GGACT: variants seen among roughly 807,000 people sequenced by gnomAD.
GGACT encodes gamma-glutamylamine cyclotransferase, also known as gamma-glutamylaminecyclotransferase.
For missense variants in GGACT, 241 were observed against 233.2 expected, an observed-to-expected ratio of 1.03 and a Z score of -0.22; for synonymous variants, 118 against 115.3, an observed-to-expected ratio of 1.02 and a Z score of -0.15.
chr13:100,583,114 A>T (rs946159699), intron 2 of GGACT, among the ~76,000 whole-genome samples: 4 of 152,212 alleles, frequency 2.6e-5, no homozygotes, highest in African/African-American at 9.7e-5. Flanking sequence ...GGCCAATCTT[A>T]ATGCCAACAT....
intron 2 of GGACT, among the ~76,000 whole-genome samples, chr13:100,564,069 A>C (rs1285199603): frequency 6.6e-6 from 1 of 152,202 alleles, no homozygotes; most frequent in African/African-American, 2.4e-5. Context: ...TTGAGTTCCC[A>C]AAATGCATGT....
rs1036297983 is a variant in GGACT, at chr13:100,545,502, A to G, written c.-10-12901T>C. ...GCAGCCAGTGGCCTGGGCTGCCCTC[A>G]TACCAGGCTCCAGTCACATCTGCCG... On this transcript the variant is annotated intron_variant, in intron 2 of 2. Transcript: ENST00000683975. The surrounding 1 kb of genome is among the most constrained non-coding windows in gnomAD (Gnocchi z 4.4). Among the ~76,000 whole-genome samples, 23 of 152,142 alleles carry G rather than the reference A, an allele frequency of 1.5e-4. No individual in the cohort carries two copies. The highest frequency in any genetic ancestry group is 5.5e-4 in the African/African-American group (23 of 41,454).
chr13:100,569,387 G>A (rs778719774), intron 2 of GGACT, among the ~76,000 whole-genome samples: 15 of 152,236 alleles, frequency 9.9e-5, no homozygotes, highest in African/African-American at 2.2e-4. Context: ...CCAACACCAC[G>A]TGTAAGCTGC....
intron 2 of GGACT, among the ~76,000 whole-genome samples, chr13:100,559,409 T>C (rs1240089008): frequency 6.6e-6 from 1 of 151,550 alleles, no homozygotes; most frequent in Admixed American, 6.6e-5. Context: ...CTGGTCTTCA[T>C]CTCCTGACCT....
At chr13:100,563,641 AC>A (rs1243756648) in intron 2 of GGACT, among the ~76,000 whole-genome samples, 1 of 152,112 alleles carries the variant, frequency 6.6e-6, no homozygotes, top group East Asian at 1.9e-4. Flanking sequence ...CACAGTTAAG[AC>A]CCTGTCTTTA....
In GGACT at chr13:100,573,271, C is replaced by T. The variant is rs569728516; in HGVS notation, c.-11+10554G>A. Among the ~76,000 whole-genome samples, 78 of 152,282 alleles carry T rather than the reference C, an allele frequency of 5.1e-4. 1 individual carries two copies. Among genetic ancestry groups the T allele is most frequent in the Middle Eastern group, 6.8e-3 (2 of 294 alleles). ...ATATTAGTCTGGTATTCTAAACACC[C>T]TGGACTAAGGCCCAATACTCTTCCA... On this transcript the variant is annotated intron_variant, in intron 2 of 2. Transcript: ENST00000683975.
At chr13:100,585,087 T>C (rs933076904) in intron 1 of GGACT, among the ~76,000 whole-genome samples, 1 of 151,944 alleles carries the variant, frequency 6.6e-6, no homozygotes, top group Non-Finnish European at 1.5e-5. Flanking sequence ...TTACAGGAAA[T>C]ATAGGGGATA....
rs1053057843 is a variant in GGACT, at chr13:100,532,425, A to G, written c.167T>C (p.Leu56Pro). The change falls in exon 3 of 3, where the codon CTG (leucine) becomes CCG (proline). Residue 56 changes from leucine to proline, a missense_variant. Transcript: ENST00000683975. The part of the protein sequence containing the change: ...GEHNIPWLLH[L>P]PGSGRLVEGE... ...CTCCACGAGGCGCCCCGAGCCGGGCAGGTGCAGCAGCCACGGGATGTTGTG... is the reference window on the plus strand; with the variant it reads ...CTCCACGAGGCGCCCCGAGCCGGGCGGGTGCAGCAGCCACGGGATGTTGTG... 6.5e-7 allele frequency: 1 copy of G among 1,549,914 alleles called. No homozygotes were observed. The highest frequency in any genetic ancestry group is 8.7e-7 in the Non-Finnish European group (1 of 1,146,636).
intron 2 of GGACT, among the ~76,000 whole-genome samples, chr13:100,581,065 TGGAGA>T (rs762290398): frequency 1.3e-5 from 2 of 152,250 alleles, no homozygotes; most frequent in Non-Finnish European, 2.9e-5. Flanking sequence ...GGATTAGGGC[TGGAGA>T]CACCAGTGTG....
intron 2 of GGACT, among the ~76,000 whole-genome samples, chr13:100,543,353 G>A (rs898156709): frequency 6.6e-6 from 1 of 151,848 alleles, no homozygotes; most frequent in Non-Finnish European, 1.5e-5. Context: ...GACTATAGGT[G>A]CCCACCACCA....
intron 2 of GGACT, among the ~76,000 whole-genome samples, chr13:100,560,059 C>A (rs568214077): frequency 1.3e-5 from 2 of 152,028 alleles, no homozygotes; most frequent in African/African-American, 4.8e-5. Flanking sequence ...AAAAGCCAAG[C>A]CATGGGGGCA....
rs2088307638 is a variant in GGACT, at chr13:100,530,258, C to A, written c.*1872G>T. ...TTGATTCAAGCATTATACAGGAACA[C>A]CCCTGTGCAGCTACGTTTACGTCGT... On this transcript the variant is annotated 3_prime_UTR_variant, in exon 3 of 3. Coordinates refer to ENST00000683975, the MANE Select transcript of GGACT (RefSeq NM_001195087.2). 1.6e-5 allele frequency: 16 copies of A among 1,008,708 alleles called. No individual in the cohort carries two copies. The highest frequency in any genetic ancestry group is 2.2e-5 in the Non-Finnish European group (14 of 637,238). 62.5% of individuals were successfully genotyped at this position (1,008,708 alleles called of 1,614,324 possible).
chr13:100,541,091 G>A (rs573390735), intron 2 of GGACT, among the ~76,000 whole-genome samples: 35 of 152,318 alleles, frequency 2.3e-4, no homozygotes, highest in South Asian at 4.2e-4. Context: ...GGTAAGAAAC[G>A]GCTGTAGGCA....
intron 2 of GGACT, among the ~76,000 whole-genome samples, chr13:100,574,560 A>G (rs1253278083): frequency 1.3e-5 from 2 of 152,182 alleles, no homozygotes; most frequent in Non-Finnish European, 2.9e-5. Flanking sequence ...TGGGCAACAG[A>G]GCGAGACCCC....
chr13:100,588,760 T>G lies in GGACT; in HGVS notation c.-203A>C, dbSNP rs1464644623. 6.6e-6 allele frequency: 1 copy of G among 151,680 alleles called. No individual in the cohort carries two copies. The highest frequency in any genetic ancestry group is 1.5e-5 in the Non-Finnish European group (1 of 67,890). 9.4% of individuals were successfully genotyped at this position (151,680 alleles called of 1,614,324 possible). On this transcript the variant is annotated 5_prime_UTR_variant, in exon 1 of 3. Coordinates refer to ENST00000683975, the MANE Select transcript of GGACT (RefSeq NM_001195087.2). ...CCTCACCTGCCGGCAGCCGGGGCTGTCGGGGAGGGCAGGGCCAGGGCGGAA... is the reference window on the plus strand; with the variant it reads ...CCTCACCTGCCGGCAGCCGGGGCTGGCGGGGAGGGCAGGGCCAGGGCGGAA...
intron 2 of GGACT, among the ~76,000 whole-genome samples, chr13:100,561,746 C>G (rs1022151579): frequency 6.6e-6 from 1 of 152,204 alleles, no homozygotes; most frequent in African/African-American, 2.4e-5. Context: ...CCTGGAGGGG[C>G]AGAGGTGCTG....
At position 100,563,654 on chromosome 13, in the gene GGACT, A is replaced by G. The variant is rs953145833; in HGVS notation, c.-11+20171T>C. Reference sequence around the variant, plus strand: ...AACACAGTTAAGACCCTGTCTTTACATTAATTAATTAAACTAAACTTTAAA... The same window carrying G: ...AACACAGTTAAGACCCTGTCTTTACGTTAATTAATTAAACTAAACTTTAAA... On this transcript the variant is annotated intron_variant, in intron 2 of 2. Transcript: ENST00000683975. Among the ~76,000 whole-genome samples the G allele has an allele frequency of 1.8e-4, 27 of 152,208 alleles. 1 individual carries two copies. Among genetic ancestry groups the G allele is most frequent in the Admixed American group, 6.5e-5 (1 of 15,278 alleles).
chr13:100,558,935 C>T (rs117969561), intron 2 of GGACT, among the ~76,000 whole-genome samples: 3,815 of 152,184 alleles, frequency 0.025, 75 homozygotes, highest in Non-Finnish European at 0.043. Flanking sequence ...GGCAAACATA[C>T]AGAAACAAAA....
Position 100,541,215 on chromosome 13 carries a change from C to G in GGACT, c.-10-8614G>C, listed in dbSNP as rs906754939. On this transcript the variant is annotated intron_variant, in intron 2 of 2. Transcript: ENST00000683975. Reference sequence around the variant, plus strand: ...CATCAGACACAGTGTGAGCCCAGCCCTTGCAGGGCCAGCATCAGGAAAGGC... The same window carrying G: ...CATCAGACACAGTGTGAGCCCAGCCGTTGCAGGGCCAGCATCAGGAAAGGC... Among the ~76,000 whole-genome samples, 3 of 152,350 alleles carry G rather than the reference C, an allele frequency of 2.0e-5. No individual in the cohort carries two copies. In the East Asian group the frequency reaches 5.8e-4, roughly 29 times the overall value.
Sources: allele counts gnomAD v4.1 joint callset (sites outside exome capture counted in the v4.1 genomes callset), GRCh38; gene constraint gnomAD v4.1.1; non-coding constraint Gnocchi (gnomAD v3.1); transcripts MANE v1.5; gene names NCBI Gene and HGNC (gene_info 2026-07-23, HGNC 2026-07-21).